JAML: variants seen among roughly 807,000 people sequenced by gnomAD.
The protein encoded by JAML is junction adhesion molecule like.
JAML carries 25 observed loss-of-function variants against 39.3 expected under a neutral mutation model. The ratio of observed to expected loss-of-function variants is 0.64; its 90% CI spans 0.46 to 0.89. The LOEUF is 0.89. Among genes scored for constraint, JAML ranks in the 40% least tolerant of loss-of-function variants. JAML has a pLI of 0.00. For synonymous variants in JAML, 162 were observed against 179.2 expected (o/e 0.90, Z 0.77); for missense variants, 440 against 486.9 (o/e 0.90, Z 0.91).
At chr11:118,216,754 CTTG>C (rs1202371553) in intron 1 of JAML, among the ~76,000 whole-genome samples, 4 of 152,088 alleles carry the variant, frequency 2.6e-5, no homozygotes, top group African/African-American at 7.2e-5. Flanking sequence ...ATTTTTGAAC[CTTG>C]TTGTAACAAT....
chr11:118,203,106 C>T (rs1214456336), intron 6 of JAML: 1 of 514,998 alleles, frequency 1.9e-6, no homozygotes, highest in Admixed American at 2.3e-5. Context: ...CAACTCCGAT[C>T]CTTCCCTGAG....
At chr11:118,199,693 A>ATTTTTTTTT (rs34379845) in intron 7 of JAML, among the ~76,000 whole-genome samples, 4 of 107,118 alleles carry the variant, frequency 3.7e-5, no homozygotes, top group Non-Finnish European at 5.6e-5. Context: ...TATTATTATT[A>ATTTTTTTTT]TTTTTTTTTT....
At chr11:118,224,383 A>G (rs1173912650) in intron 1 of JAML, among the ~76,000 whole-genome samples, 1 of 152,174 alleles carries the variant, frequency 6.6e-6, no homozygotes. Flanking sequence ...TCGGGCTTCT[A>G]AAGGTTAAAT....
rs746805232 is a variant in JAML, at chr11:118,203,416, A to C, written c.772+12T>G. ...GAGGTCCCTCAATGCTCCCCAGCCA[A>C]ATGTTAGATACTTCGAGGCTCTTCC... On this transcript the variant is annotated intron_variant, in intron 6 of 9. Transcript: ENST00000356289. The C allele has an allele frequency of 6.2e-7, 1 of 1,611,644 alleles. No individual in the cohort carries two copies. Among genetic ancestry groups the C allele is most frequent in the Non-Finnish European group, 8.5e-7 (1 of 1,177,974 alleles).
At chr11:118,196,376 C>A (rs748228704) in intron 9 of JAML, among the ~76,000 whole-genome samples, 2 of 152,168 alleles carry the variant, frequency 1.3e-5, no homozygotes, top group Non-Finnish European at 2.9e-5. Flanking sequence ...AATCCGCCCA[C>A]CTCGGCCTCC....
chr11:118,198,575 C>T (rs191705882), intron 7 of JAML, among the ~76,000 whole-genome samples: 7 of 152,066 alleles, frequency 4.6e-5, no homozygotes, highest in Admixed American at 2.6e-4. Context: ...CAAGCAGGAG[C>T]TCTGCGCCTG....
At chr11:118,202,852 C>G (rs1948836431) in intron 6 of JAML, 1 of 423,274 alleles carries the variant, frequency 2.4e-6, no homozygotes, top group African/African-American at 2.0e-5. Context: ...AACTTTAACC[C>G]CTCACTTATC....
intron 7 of JAML, among the ~76,000 whole-genome samples, chr11:118,199,903 A>G (rs1224604960): frequency 6.6e-6 from 1 of 151,928 alleles, no homozygotes; most frequent in Non-Finnish European, 1.5e-5. Flanking sequence ...TCACCGTGTT[A>G]GCAAGGATGG....
intron 7 of JAML, among the ~76,000 whole-genome samples, chr11:118,198,674 TAA>T (rs61119825): frequency 4.7e-5 from 6 of 127,544 alleles, no homozygotes; most frequent in Admixed American, 7.7e-5. Context: ...AAGTCAGAAC[TAA>T]AAAAAAAAAA....
chr11:118,213,227 C>A, intron 2 of JAML: 1 of 1,277,574 alleles, frequency 7.8e-7, no homozygotes, highest in Non-Finnish European at 9.9e-7. Flanking sequence ...CAATTTCGAG[C>A]GGTCACTACA....
rs1565484204 is a variant in JAML, at chr11:118,214,739, C to T, written c.43+85G>A. ...CCATCTTCAACAAACCCAAGGGAAT[C>T]GAAAATATGTAAAATTGGCTTTTAA... On this transcript the variant is annotated intron_variant, in intron 2 of 9. Transcript: ENST00000356289. The T allele has an allele frequency of 4.9e-6, 7 of 1,414,772 alleles. No homozygotes were observed. The South Asian group carries it at 5.9e-5, about 12-fold the overall frequency. The allele number at this position is 1,414,772 out of a possible 1,614,324, so 87.6% of individuals were successfully genotyped here. A position where few individuals can be genotyped will look rare whatever the true frequency, so the allele number is the denominator to read the frequency against.
chr11:118,206,549 T>C (rs575375778), intron 4 of JAML, among the ~76,000 whole-genome samples: 2 of 152,308 alleles, frequency 1.3e-5, no homozygotes, highest in African/African-American at 4.8e-5. Flanking sequence ...TTTCTTCAAC[T>C]TCTTTTATTG....
rs749963177 is a variant in JAML, at chr11:118,196,793, C to T, written c.1034G>A (p.Arg345Gln). The change falls in exon 9 of 10, where the codon CGG becomes CAG. Residue 345 changes from arginine (R) to glutamine (Q), a missense_variant. By Grantham distance (43) the Arg-to-Gln change is conservative. Transcript: ENST00000356289. The part of the protein sequence containing the change: ...EKHIYSPIIV[R>Q]EVIEEEEPSE... Reference sequence around the variant, plus strand: ...TGGTTCTTCTTCCTCGATCACCTCCCGTACAATTATTGGGGAGTAAATGTG... The same window carrying T: ...TGGTTCTTCTTCCTCGATCACCTCCTGTACAATTATTGGGGAGTAAATGTG... The T allele has an allele frequency of 1.2e-5, 20 of 1,612,142 alleles. No individual in the cohort carries two copies. The highest frequency in any genetic ancestry group is 1.6e-4 in the Middle Eastern group (1 of 6,076).
intron 1 of JAML, among the ~76,000 whole-genome samples, chr11:118,218,241 G>A (rs1319051342): frequency 6.6e-6 from 1 of 152,108 alleles, no homozygotes; most frequent in Non-Finnish European, 1.5e-5. Flanking sequence ...TTACAGGCAT[G>A]AGCCACCATG....
intron 2 of JAML, among the ~76,000 whole-genome samples, chr11:118,213,551 T>A (rs1458355421): frequency 6.6e-6 from 1 of 152,254 alleles, no homozygotes; most frequent in Non-Finnish European, 1.5e-5. Context: ...GGAATTTTCC[T>A]GTAAGGAAGA....
chr11:118,212,541 C>A lies in JAML; in HGVS notation c.64G>T (p.Asp22Tyr), dbSNP rs867913472. The A allele has an allele frequency of 6.2e-7, 1 of 1,614,068 alleles. No individual in the cohort carries two copies. The highest frequency in any genetic ancestry group is 8.5e-7 in the Non-Finnish European group (1 of 1,180,018). ...AGCTCAGGCGGGGAAACATTCAAGT[C>A]ATTCAGGCCCAAGGAATAATCTATA... is the stretch of plus-strand genomic sequence containing the variant. ...VLLDYSLGLN[D>Y]LNVSPPELTV... Residue 22 changes from aspartate to tyrosine, a missense_variant, in exon 3 of 10, where the codon GAC (aspartate) becomes TAC (tyrosine). Asp to Tyr is a radical substitution (Grantham distance 160). Transcript: ENST00000356289.
chr11:118,200,252 T>C (rs1948754109), intron 7 of JAML, among the ~76,000 whole-genome samples: 1 of 152,184 alleles, frequency 6.6e-6, no homozygotes, highest in Admixed American at 6.5e-5. Context: ...GTTTGTAGTC[T>C]TTACATAATA....
At chr11:118,224,792 T>C (rs1949245131) in intron 1 of JAML, 149 bp downstream of exon 1, 1 of 152,210 alleles carries the variant, frequency 6.6e-6, no homozygotes, top group African/African-American at 2.4e-5. Flanking sequence ...TAGACTACTT[T>C]ATGACATCCC....
chr11:118,216,839 T>G (rs1221197021), intron 1 of JAML, among the ~76,000 whole-genome samples: 1 of 152,180 alleles, frequency 6.6e-6, no homozygotes, highest in Non-Finnish European at 1.5e-5. Context: ...GAACCTCTAG[T>G]GAAAACACAG....
Sources: gnomAD v4.1 joint callset for allele counts (sites outside exome capture counted in the v4.1 genomes callset) on GRCh38, gnomAD v4.1.1 for gene constraint, MANE v1.5 for transcripts, NCBI Gene and HGNC (gene_info 2026-07-23, HGNC 2026-07-21) for gene names.